Variants in ACVRL1 observed in about 807,000 individuals in gnomAD.
The protein encoded by ACVRL1 is activin A receptor like type 1, also known as activin receptor type-1-like.
Under a neutral mutation model 51.9 loss-of-function variants are expected in ACVRL1, and 20 were observed. The observed-to-expected ratio is 0.39, with a 90% CI of 0.27 to 0.56. ACVRL1 has a LOEUF of 0.56. Ranked by LOEUF, ACVRL1 falls within the 20% of genes least tolerant of loss-of-function variation. The pLI is 0.67. For synonymous variants in ACVRL1, 288 were observed against 280.9 expected, an observed-to-expected ratio of 1.03 and a Z score of -0.25; for missense variants, 451 against 670.3, an observed-to-expected ratio of 0.67 and a Z score of 3.61.
chr12:51,914,869 G>A (rs987313825), intron 6 of ACVRL1, among the ~76,000 whole-genome samples: 3 of 152,122 alleles, frequency 2.0e-5, no homozygotes, highest in Non-Finnish European at 2.9e-5. Flanking sequence ...TCAGCCTCTT[G>A]AGTAGCTGGG....
intron 1 of ACVRL1, among the ~76,000 whole-genome samples, chr12:51,909,820 T>G (rs1303967002): frequency 6.6e-6 from 1 of 152,252 alleles, no homozygotes; most frequent in African/African-American, 2.4e-5. Context: ...TAGCACATAA[T>G]TAGTACTCAG....
At position 51,920,747 on chromosome 12, in the gene ACVRL1, C is replaced by T. The variant is rs1565597352; in HGVS notation, c.1378-12C>T. ...TGCCTCCTCTCCTCTGCACCTCTCTCCCAACCCCCAGGTCCTCTCAGGCCT... is the reference window on the plus strand; with the variant it reads ...TGCCTCCTCTCCTCTGCACCTCTCTTCCAACCCCCAGGTCCTCTCAGGCCT... On this transcript the variant is annotated splice_polypyrimidine_tract_variant and intron_variant, in intron 9 of 9. Coordinates refer to ENST00000388922, the MANE Select transcript of ACVRL1 (RefSeq NM_000020.3). 1 of 1,613,468 alleles carries T rather than the reference C, an allele frequency of 6.2e-7. No individual in the cohort carries two copies. The highest frequency in any genetic ancestry group is 2.2e-5 in the East Asian group (1 of 44,880).
rs539570362 is a variant in ACVRL1, at chr12:51,911,781, A to G, written c.-5-689A>G. 6.6e-5 allele frequency among the ~76,000 whole-genome samples: 10 copies of G among 152,280 alleles called. No individual in the cohort carries two copies. In the East Asian group the frequency reaches 1.5e-3, roughly 24 times the overall value. On this transcript the variant is annotated intron_variant, in intron 1 of 9. Coordinates refer to ENST00000388922, the MANE Select transcript of ACVRL1 (RefSeq NM_000020.3). ...TGTGATTCACAGGATGTCCACCTAG[A>G]ATTCTGTCATGTGGGTGTCCCAGGC... is the stretch of plus-strand genomic sequence containing the variant.
In ACVRL1 at chr12:51,912,459, C is replaced by T; in HGVS notation, c.-5-11C>T. The T allele has an allele frequency of 1.2e-6, 2 of 1,614,058 alleles. No homozygotes were observed. The highest frequency in any genetic ancestry group is 1.7e-5 in the Admixed American group (1 of 60,024). On this transcript the variant is annotated splice_polypyrimidine_tract_variant and intron_variant, in intron 1 of 9. Transcript: ENST00000388922. ...TGGCTCTTACTCCACCTCTCTTGCTCCTCTCTGCAGGGACCATGACCTTGG... is the reference window on the plus strand; with the variant it reads ...TGGCTCTTACTCCACCTCTCTTGCTTCTCTCTGCAGGGACCATGACCTTGG...
At position 51,907,546 on chromosome 12, in the gene ACVRL1, C is replaced by T. The variant is rs1940617653; in HGVS notation, c.-155C>T. On this transcript the variant is annotated 5_prime_UTR_variant, in exon 1 of 10. Transcript: ENST00000388922. This position sits in a 1 kb window ranked among gnomAD's most constrained non-coding sequence, Gnocchi z 4.5. ...GCCGCGCCAGCTGCGCCGAGCGAGC[C>T]CCTCCCCGGCTCCAGCCCGGTCCGG... The T allele has an allele frequency of 6.6e-6, 1 of 152,006 alleles. No homozygotes were observed. Among genetic ancestry groups the T allele is most frequent in the African/African-American group, 2.4e-5 (1 of 41,420 alleles). The allele number at this position is 152,006 out of a possible 1,614,324, so 9.4% of individuals were successfully genotyped here.
In ACVRL1 at chr12:51,920,993, T is replaced by C; in HGVS notation, c.*100T>C. 2 of 1,392,914 alleles carry C rather than the reference T, an allele frequency of 1.4e-6. No homozygotes were observed. Among genetic ancestry groups the C allele is most frequent in the Non-Finnish European group, 2.0e-6 (2 of 1,016,634 alleles). 86.3% of individuals were successfully genotyped at this position (1,392,914 alleles called of 1,614,324 possible). A position where few individuals can be genotyped will look rare whatever the true frequency, so the allele number is the denominator to read the frequency against. On this transcript the variant is annotated 3_prime_UTR_variant, in exon 10 of 10. Transcript: ENST00000388922. ...GTAGAGGTAGTGTGAGTGTGGTGTGTGCTGGGGATGGGCAGCTGCGCCTGC... is the reference window on the plus strand; with the variant it reads ...GTAGAGGTAGTGTGAGTGTGGTGTGCGCTGGGGATGGGCAGCTGCGCCTGC...
chr12:51,914,349 C>A, intron 5 of ACVRL1, 90 bp from the exon 6 acceptor site: 4 of 1,571,730 alleles, frequency 2.5e-6, no homozygotes, highest in East Asian at 2.3e-5. Flanking sequence ...GTGGGGTGGG[C>A]GAGGGAGGCA....
intron 7 of ACVRL1, 96 bp downstream of exon 7, chr12:51,915,596 T>G: frequency 6.9e-7 from 1 of 1,459,550 alleles, no homozygotes; most frequent in African/African-American, 1.4e-5. Context: ...TGATTAGCAC[T>G]TGAAAATTTA....
Position 51,919,359 on chromosome 12 carries a change from G to A in ACVRL1, c.1377+244G>A, listed in dbSNP as rs1940914951. 1.6e-5 allele frequency: 9 copies of A among 574,856 alleles called. No homozygotes were observed. In the South Asian group the frequency reaches 1.7e-4, roughly 11 times the overall value. The allele number at this position is 574,856 out of a possible 1,614,324, so 35.6% of individuals were successfully genotyped here. On this transcript the variant is annotated intron_variant, in intron 9 of 9. Transcript: ENST00000388922. ...CTGTGAAAAGTCAGAGGCTATCTGT[G>A]GCTCTGTGTGTGTGTGTGTGTGTGT...
chr12:51,912,041 T>TG (rs1190522432), intron 1 of ACVRL1, among the ~76,000 whole-genome samples: 2 of 152,094 alleles, frequency 1.3e-5, no homozygotes, highest in South Asian at 2.1e-4. Flanking sequence ...CAGCCAGGGC[T>TG]GGGGGGGCAT....
chr12:51,915,645 A>G lies in ACVRL1; in HGVS notation c.1048+145A>G, dbSNP rs934805743. 3.5e-6 allele frequency: 4 copies of G among 1,143,176 alleles called. No individual in the cohort carries two copies. The African/African-American group carries it at 6.2e-5, about 18-fold the overall frequency. The allele number at this position is 1,143,176 out of a possible 1,614,324, so 70.8% of individuals were successfully genotyped here. ...TTTCAGTTCTCCTCCGCAAGACCCC[A>G]CGAGTTGTCTGAACACCCTTTTCAA... On this transcript the variant is annotated intron_variant, in intron 7 of 9. Transcript: ENST00000388922.
chr12:51,910,298 T>A (rs563550682), intron 1 of ACVRL1, among the ~76,000 whole-genome samples: 17 of 152,066 alleles, frequency 1.1e-4, no homozygotes, highest in Non-Finnish European at 1.9e-4. Flanking sequence ...TGCATCCCAC[T>A]CCCACTCACC....
At chr12:51,916,385 G>A in intron 8 of ACVRL1, 152 bp downstream of exon 8, 1 of 762,624 alleles carries the variant, frequency 1.3e-6, no homozygotes, top group East Asian at 2.7e-5. Flanking sequence ...TCAGCTGAGT[G>A]ACCTTTTAAG....
In ACVRL1 at chr12:51,916,245, C is replaced by A. The variant is rs1425394000; in HGVS notation, c.1246+12C>A. On this transcript the variant is annotated intron_variant, in intron 8 of 9. Coordinates refer to ENST00000388922, the MANE Select transcript of ACVRL1 (RefSeq NM_000020.3). ...GACCATCGTGAATGGTGAGGGCCCA[C>A]CCTACACAGGGTAGGGAAAGGGGAA... 1.2e-6 allele frequency: 2 copies of A among 1,613,166 alleles called. No individual in the cohort carries two copies. The highest frequency in any genetic ancestry group is 2.2e-5 in the East Asian group (1 of 44,824).
At chr12:51,909,035 T>A (rs894373967) in intron 1 of ACVRL1, among the ~76,000 whole-genome samples, 6 of 152,180 alleles carry the variant, frequency 3.9e-5, no homozygotes, top group Admixed American at 3.9e-4. Flanking sequence ...GCTCCTCTGC[T>A]GTTGGGGTAA....
intron 6 of ACVRL1, 148 bp downstream of exon 6, chr12:51,914,733 T>C: frequency 3.1e-6 from 1 of 323,818 alleles, no homozygotes; most frequent in Non-Finnish European, 4.8e-6. Flanking sequence ...TTAATTTAAT[T>C]TAATTTAATT....
At chr12:51,914,897 C>T (rs1301067545) in intron 6 of ACVRL1, among the ~76,000 whole-genome samples, 3 of 152,142 alleles carry the variant, frequency 2.0e-5, no homozygotes, top group South Asian at 2.1e-4. Context: ...GCATGTGCCA[C>T]CATGCCCAGC....
At chr12:51,913,406 T>G in intron 3 of ACVRL1, 56 bp downstream of exon 3, 1 of 1,411,498 alleles carries the variant, frequency 7.1e-7, no homozygotes, top group Non-Finnish European at 9.5e-7. Flanking sequence ...TGCCCTCCCT[T>G]CCCTCCTTTC....
In ACVRL1 at chr12:51,920,697, C is replaced by A. The variant is rs1487158944; in HGVS notation, c.1378-62C>A. The stretch of plus-strand genomic sequence containing the variant: ...CCCTCTGCATCTCTCTCCCGACCCC[C>A]TCCTCTTCTCTGCATCTCTCTCTCT... On this transcript the variant is annotated intron_variant, in intron 9 of 9. Coordinates refer to ENST00000388922, the MANE Select transcript of ACVRL1 (RefSeq NM_000020.3). The A allele has an allele frequency of 2.5e-6, 4 of 1,592,644 alleles. No homozygotes were observed. The African/African-American group carries it at 5.4e-5, about 21-fold the overall frequency.
Sources: allele counts gnomAD v4.1 joint callset (sites outside exome capture counted in the v4.1 genomes callset), GRCh38; gene constraint gnomAD v4.1.1; non-coding constraint Gnocchi (gnomAD v3.1); transcripts MANE v1.5; gene names NCBI Gene and HGNC (gene_info 2026-07-23, HGNC 2026-07-21).